Variants in CACNA1C observed in about 807,000 individuals in gnomAD.
CACNA1C encodes the protein calcium voltage-gated channel subunit alpha1 C.
In CACNA1C, 30 loss-of-function variants were observed where a neutral mutation model predicts 229.0. That is an observed-to-expected ratio of 0.13 (90% CI 0.10 to 0.18). The LOEUF (loss-of-function observed/expected upper bound fraction) is 0.18. CACNA1C is among the 10% of genes least tolerant of loss of function. The pLI is 1.00. For synonymous variants in CACNA1C, 1,114 were observed against 1,132.5 expected (o/e 0.98, Z 0.33); for missense variants, 1,658 against 2,845.0 (o/e 0.58, Z 9.49).
rs1214094017 is a variant in CACNA1C, at chr12:2,679,048, G to A, written c.5092-396G>A. Among the ~76,000 whole-genome samples, 1 of 152,112 alleles carries A rather than the reference G, an allele frequency of 6.6e-6. No homozygotes were observed. The highest frequency in any genetic ancestry group is 2.4e-5 in the African/African-American group (1 of 41,412). The stretch of plus-strand genomic sequence containing the variant: ...TCTTCTGGTCGCTCTCCCAGCCCCC[G>A]CCCTCACGGTGTGCTGGCTGCTCTT... On this transcript the variant is annotated intron_variant, in intron 41 of 46. Transcript: ENST00000399655. This position sits in a 1 kb window ranked among gnomAD's most constrained non-coding sequence, Gnocchi z 5.5.
chr12:2,040,550 T>G (rs1481585353), intron 1 of CACNA1C, among the ~76,000 whole-genome samples: 1 of 152,220 alleles, frequency 6.6e-6, no homozygotes, highest in Admixed American at 6.5e-5. Context: ...ATACCTTGAC[T>G]TTCACTTCTG....
At chr12:2,596,243 C>A (rs761134246) in intron 20 of CACNA1C, 2 of 414,662 alleles carry the variant, frequency 4.8e-6, no homozygotes, top group Non-Finnish European at 8.5e-6. Flanking sequence ...AAGATCAGGA[C>A]TTTCATTGCC....
Position 2,593,220 on chromosome 12 carries a change from G to T in CACNA1C, c.2538G>T (p.Glu846Asp). 1.2e-6 allele frequency: 2 copies of T among 1,613,692 alleles called. No individual in the cohort carries two copies. The highest frequency in any genetic ancestry group is 1.7e-6 in the Non-Finnish European group (2 of 1,179,758). ...PYPNPETTGE[E>D]DEEEPEMPVG... ...GTGCTGTTCTTCTTACAGGAGAAGA[G>T]GATGAGGAGGAGCCAGAGATGCCTG... The change falls in exon 19 of 47, where the codon GAG (glutamate) becomes GAT (aspartate). Residue 846 changes from glutamate (E) to aspartate (D), a missense_variant. Around this residue, in one of 20 missense-constraint regions of CACNA1C, gnomAD observed 121 missense variants for 128.8 expected, o/e 0.94. Transcript: ENST00000399655.
intron 29 of CACNA1C, among the ~76,000 whole-genome samples, chr12:2,615,971 G>C (rs1386890922): frequency 6.6e-6 from 1 of 152,204 alleles, no homozygotes; most frequent in Non-Finnish European, 1.5e-5. Flanking sequence ...CTGGGCCGCA[G>C]AGGGGTGAAG....
At chr12:2,023,939 G>A (rs1361095753) in intron 1 of CACNA1C, among the ~76,000 whole-genome samples, 1 of 152,188 alleles carries the variant, frequency 6.6e-6, no homozygotes, top group Non-Finnish European at 1.5e-5. Context: ...ACTGCACCGG[G>A]AGTCAGGAAA....
At chr12:2,155,379 T>C (rs1274022416) in intron 3 of CACNA1C, among the ~76,000 whole-genome samples, 1 of 152,128 alleles carries the variant, frequency 6.6e-6, no homozygotes, top group African/African-American at 2.4e-5. Context: ...TTTACTTTGC[T>C]TGGGCTTCAG....
intron 29 of CACNA1C, among the ~76,000 whole-genome samples, chr12:2,628,664 T>G (rs2088541328): frequency 6.6e-6 from 1 of 152,042 alleles, no homozygotes; most frequent in Non-Finnish European, 1.5e-5. Flanking sequence ...CCTAACACTT[T>G]GCAGGGCGGA....
At chr12:2,519,278 C>A (rs148808852) in intron 9 of CACNA1C, among the ~76,000 whole-genome samples, 1 of 152,370 alleles carries the variant, frequency 6.6e-6, no homozygotes, top group East Asian at 1.9e-4. Context: ...TGTCATGGCA[C>A]ATATGAGTCA....
At chr12:2,200,849 A>C (rs2097562291) in intron 3 of CACNA1C, among the ~76,000 whole-genome samples, 1 of 152,222 alleles carries the variant, frequency 6.6e-6, no homozygotes, top group African/African-American at 2.4e-5. Context: ...GGAGTCAGAC[A>C]GCAAGTGCTA....
intron 3 of CACNA1C, among the ~76,000 whole-genome samples, chr12:2,161,995 T>C (rs1488616718): frequency 1.3e-5 from 2 of 152,218 alleles, no homozygotes; most frequent in African/African-American, 4.8e-5. Flanking sequence ...TAATTATCTG[T>C]TTCCAGCCAG....
At chr12:2,648,011 T>G (rs216035) in intron 30 of CACNA1C, among the ~76,000 whole-genome samples, 45,000 of 151,860 alleles carry the variant, frequency 0.3, 8,118 homozygotes, top group African/African-American at 0.51. Context: ...GGTGGCACGT[T>G]CCTATAGTCC....
At chr12:2,650,184 G>C (rs995886844) in intron 31 of CACNA1C, among the ~76,000 whole-genome samples, 1 of 152,174 alleles carries the variant, frequency 6.6e-6, no homozygotes, top group African/African-American at 2.4e-5. Flanking sequence ...TGGAAAGCAG[G>C]AGAGGTCTCT....
In CACNA1C at chr12:2,639,736, C is replaced by T. The variant is rs146198538; in HGVS notation, c.3912+5356C>T. Among the ~76,000 whole-genome samples the T allele has an allele frequency of 7.4e-4, 113 of 152,252 alleles. No individual in the cohort carries two copies. The highest frequency in any genetic ancestry group is 1.3e-3 in the Non-Finnish European group (89 of 68,020). The stretch of plus-strand genomic sequence containing the variant: ...TGAGGTGGTGTTTCCTGTCATCAGG[C>T]GCCCATGGTGTCATGGGGATGCTTC... On this transcript the variant is annotated intron_variant, in intron 30 of 46. Coordinates refer to ENST00000399655, the MANE Select transcript of CACNA1C (RefSeq NM_000719.7). This position sits in a 1 kb window ranked among gnomAD's most constrained non-coding sequence, Gnocchi z 4.2.
At chr12:2,557,519 G>A (rs1299488147) in intron 11 of CACNA1C, among the ~76,000 whole-genome samples, 2 of 152,130 alleles carry the variant, frequency 1.3e-5, no homozygotes, top group Non-Finnish European at 2.9e-5. Context: ...GGAACTTCTT[G>A]CAGTTATCCA....
rs1007938687 is a variant in CACNA1C, at chr12:2,479,690, T to G, written c.758-6414T>G. Among the ~76,000 whole-genome samples the G allele has an allele frequency of 6.6e-6, 1 of 152,208 alleles. No homozygotes were observed. The highest frequency in any genetic ancestry group is 1.5e-5 in the Non-Finnish European group (1 of 68,038). ...CCATGTCCTGACTCCTGCCCCAGTCTTGAAAGTGGGCTGTCGCCTTAATGC... is the reference window on the plus strand; with the variant it reads ...CCATGTCCTGACTCCTGCCCCAGTCGTGAAAGTGGGCTGTCGCCTTAATGC... On this transcript the variant is annotated intron_variant, in intron 5 of 46. Transcript: ENST00000399655. This position sits in a 1 kb window ranked among gnomAD's most constrained non-coding sequence, Gnocchi z 4.3.
intron 2 of CACNA1C, among the ~76,000 whole-genome samples, chr12:2,117,786 G>T (rs1370658813): frequency 6.6e-6 from 1 of 152,224 alleles, no homozygotes; most frequent in East Asian, 1.9e-4. Context: ...TGGGTGCTGT[G>T]GCCACCCCTC....
At chr12:2,675,507 C>T (rs946817513) in intron 39 of CACNA1C, among the ~76,000 whole-genome samples, 1 of 152,196 alleles carries the variant, frequency 6.6e-6, no homozygotes, top group Non-Finnish European at 1.5e-5. Flanking sequence ...GCAGAACAAC[C>T]GTGATGTGAC....
intron 1 of CACNA1C, among the ~76,000 whole-genome samples, chr12:2,106,852 G>A (rs1455080905): frequency 2.7e-5 from 2 of 75,166 alleles, no homozygotes; most frequent in African/African-American, 4.6e-5. Flanking sequence ...GCCACTGGGC[G>A]CCCACCCTGG....
intron 3 of CACNA1C, among the ~76,000 whole-genome samples, chr12:2,373,895 G>A (rs1243403869): frequency 6.6e-6 from 1 of 152,142 alleles, no homozygotes; most frequent in Non-Finnish European, 1.5e-5. Flanking sequence ...TGTGCATGAC[G>A]AACTTTGTTA....
Sources: allele counts gnomAD v4.1 joint callset (sites outside exome capture counted in the v4.1 genomes callset), GRCh38; gene constraint gnomAD v4.1.1; regional missense constraint gnomAD v4.1.1; non-coding constraint Gnocchi (gnomAD v3.1); transcripts MANE v1.5; gene names NCBI Gene and HGNC (gene_info 2026-07-23, HGNC 2026-07-21).